TSHZ2: variants seen among roughly 807,000 people sequenced by gnomAD.
TSHZ2 encodes teashirt homolog 2.
In TSHZ2, 21 loss-of-function variants were observed where a neutral mutation model predicts 74.4. That is an observed-to-expected ratio of 0.28 (90% CI 0.20 to 0.41). The LOEUF (loss-of-function observed/expected upper bound fraction) is 0.41, where lower values mean the gene tolerates loss of function less well. Ranked by LOEUF, TSHZ2 falls within the 10% of genes least tolerant of loss-of-function variation. TSHZ2 has a pLI of 1.00. For synonymous variants in TSHZ2, 540 were observed against 515.3 expected, an observed-to-expected ratio of 1.05 and a Z score of -0.65; for missense variants, 1,244 against 1,293.5, an observed-to-expected ratio of 0.96 and a Z score of 0.59.
intron 1 of TSHZ2, among the ~76,000 whole-genome samples, chr20:53,177,930 C>G (rs8114347): frequency 0.015 from 2,241 of 152,264 alleles, 63 homozygotes; most frequent in African/African-American, 0.051. Flanking sequence ...ACTGCTTTGG[C>G]TCTTTGCACA....
At chr20:53,041,487 G>T (rs1234117325) in intron 1 of TSHZ2, among the ~76,000 whole-genome samples, 3 of 152,174 alleles carry the variant, frequency 2.0e-5, no homozygotes, top group Non-Finnish European at 4.4e-5. Flanking sequence ...CACCCATTCA[G>T]CCCTGGAGCC....
intron 1 of TSHZ2, among the ~76,000 whole-genome samples, chr20:53,126,527 T>C (rs570442505): frequency 3.3e-5 from 5 of 152,344 alleles, no homozygotes; most frequent in Non-Finnish European, 7.3e-5. Context: ...AGGTGAATTA[T>C]TTTTCAGATG....
chr20:53,106,153 G>C (rs936769664), intron 1 of TSHZ2, among the ~76,000 whole-genome samples: 3 of 151,966 alleles, frequency 2.0e-5, no homozygotes, highest in African/African-American at 7.3e-5. Flanking sequence ...ATTAATTGCA[G>C]TCATCTTCCT....
At chr20:53,384,676 A>T (rs1600596612) in intron 2 of TSHZ2, among the ~76,000 whole-genome samples, 2 of 152,214 alleles carry the variant, frequency 1.3e-5, no homozygotes, top group African/African-American at 4.8e-5. Flanking sequence ...TTGAAGTTGT[A>T]AGTAAAAATG....
intron 1 of TSHZ2, among the ~76,000 whole-genome samples, chr20:53,064,678 G>A (rs1045553149): frequency 2.1e-4 from 21 of 100,996 alleles, no homozygotes; most frequent in Middle Eastern, 4.5e-3. Context: ...AATAAAAGAC[G>A]TAGACAGAGA....
intron 1 of TSHZ2, among the ~76,000 whole-genome samples, chr20:53,082,188 CCA>C (rs1600681001): frequency 6.6e-6 from 1 of 152,134 alleles, no homozygotes; most frequent in Admixed American, 6.5e-5. Context: ...TCAAGATGAC[CCA>C]CACAACTCTT....
chr20:53,155,755 G>A (rs1227130452), intron 1 of TSHZ2, among the ~76,000 whole-genome samples: 2 of 152,124 alleles, frequency 1.3e-5, no homozygotes, highest in African/African-American at 4.8e-5. Context: ...CATTTCAGGA[G>A]ATGGGTTACC....
chr20:53,302,332 T>G (rs1379488915), intron 2 of TSHZ2, among the ~76,000 whole-genome samples: 2 of 152,120 alleles, frequency 1.3e-5, no homozygotes, highest in African/African-American at 4.8e-5. Context: ...AGCCATGAAA[T>G]TCTCTATGAT....
At chr20:53,310,022 C>T (rs1568862658) in intron 2 of TSHZ2, among the ~76,000 whole-genome samples, 1 of 152,188 alleles carries the variant, frequency 6.6e-6, no homozygotes, top group Admixed American at 6.5e-5. Flanking sequence ...AACATAGTAC[C>T]TCCCAACTCT....
At chr20:53,065,749 T>C (rs1013196013) in intron 1 of TSHZ2, among the ~76,000 whole-genome samples, 2 of 152,238 alleles carry the variant, frequency 1.3e-5, no homozygotes, top group African/African-American at 4.8e-5. Context: ...CAGACGTGAA[T>C]ATATAGGTCT....
intron 1 of TSHZ2, among the ~76,000 whole-genome samples, chr20:53,113,971 A>C (rs1376231747): frequency 1.3e-5 from 2 of 151,996 alleles, no homozygotes; most frequent in Non-Finnish European, 2.9e-5. Context: ...CACATACCTT[A>C]TAATCTCAGC....
chr20:53,299,410 A>G (rs1348623204), intron 2 of TSHZ2, among the ~76,000 whole-genome samples: 1 of 152,230 alleles, frequency 6.6e-6, no homozygotes, highest in Non-Finnish European at 1.5e-5. Flanking sequence ...ATATTTTATT[A>G]TAATATGGGT....
chr20:53,071,230 A>G (rs928566764), intron 1 of TSHZ2, among the ~76,000 whole-genome samples: 3 of 152,150 alleles, frequency 2.0e-5, no homozygotes, highest in African/African-American at 7.2e-5. Flanking sequence ...TCTCCCCTCT[A>G]GTTCTTTAGA....
intron 2 of TSHZ2, among the ~76,000 whole-genome samples, chr20:53,338,503 C>G (rs1980047057): frequency 6.6e-6 from 1 of 152,140 alleles, no homozygotes; most frequent in Non-Finnish European, 1.5e-5. Context: ...AGTAACTGCC[C>G]ACACTAACTT....
intron 1 of TSHZ2, among the ~76,000 whole-genome samples, chr20:53,021,060 G>T (rs1248149668): frequency 1.3e-5 from 2 of 152,202 alleles, no homozygotes; most frequent in Non-Finnish European, 1.5e-5. Context: ...ACAAACATTT[G>T]TTGCTGTTAT....
intron 1 of TSHZ2, among the ~76,000 whole-genome samples, chr20:53,075,629 G>A (rs991903028): frequency 1.3e-5 from 2 of 152,238 alleles, no homozygotes; most frequent in African/African-American, 4.8e-5. Flanking sequence ...AAGGCAGCAG[G>A]ACAGGTGAGA....
intron 1 of TSHZ2, among the ~76,000 whole-genome samples, chr20:53,144,600 A>C: frequency 6.6e-6 from 1 of 152,188 alleles, no homozygotes; most frequent in South Asian, 2.1e-4. Context: ...GCCCTATATT[A>C]TTAGGTATTA....
intron 2 of TSHZ2, among the ~76,000 whole-genome samples, chr20:53,377,684 A>G (rs1322713947): frequency 6.7e-6 from 1 of 148,436 alleles, no homozygotes; most frequent in Non-Finnish European, 1.5e-5. Flanking sequence ...ACACGGCAAA[A>G]CCCCATATCT....
At chr20:53,281,496 G>A (rs1476571419) in intron 2 of TSHZ2, among the ~76,000 whole-genome samples, 1 of 152,160 alleles carries the variant, frequency 6.6e-6, no homozygotes, top group East Asian at 1.9e-4. Context: ...AGCAGCCATA[G>A]GTGATATGTA....
Sources: allele counts gnomAD v4.1 joint callset (sites outside exome capture counted in the v4.1 genomes callset), GRCh38; gene constraint gnomAD v4.1.1; transcripts MANE v1.5; gene names NCBI Gene and HGNC (gene_info 2026-07-23, HGNC 2026-07-21).